The following ESR1 variants were observed in gnomAD, a reference collection of about 807,000 sequenced individuals.
ESR1 encodes estrogen receptor 1, also known as estrogen receptor.
A neutral mutation model predicts 52.7 loss-of-function variants in ESR1; 12 were observed. The observed-to-expected ratio is 0.23, with a 90% CI of 0.15 to 0.37. ESR1 has a LOEUF of 0.37. ESR1 is among the 10% of genes least tolerant of loss of function. The probability of loss-of-function intolerance (pLI) is 1.00; values close to 1 mark genes in which losing one functional copy is unlikely to be tolerated. For missense variants in ESR1, 584 were observed against 779.7 expected (o/e 0.75, Z 2.99); for synonymous variants, 305 against 316.8 (o/e 0.96, Z 0.39).
chr6:151,726,588 G>A (rs1332609207), intron 2 of ESR1, among the ~76,000 whole-genome samples: 2 of 152,206 alleles, frequency 1.3e-5, no homozygotes, highest in South Asian at 4.1e-4. Flanking sequence ...CAACCGCCTC[G>A]GCCTCCCAAA....
intron 2 of ESR1, among the ~76,000 whole-genome samples, chr6:151,860,697 A>G (rs1310937467): frequency 1.3e-5 from 2 of 152,186 alleles, no homozygotes; most frequent in Non-Finnish European, 2.9e-5. Flanking sequence ...AGAAACATGC[A>G]CCTTACTTCT....
At chr6:151,713,523 A>C (rs1318738890) in intron 2 of ESR1, among the ~76,000 whole-genome samples, 6 of 152,040 alleles carry the variant, frequency 3.9e-5, no homozygotes, top group African/African-American at 1.2e-4. Flanking sequence ...AGAACTTGTT[A>C]TTGGTCTGTT....
intron 6 of ESR1, among the ~76,000 whole-genome samples, chr6:152,117,744 C>T (rs140879710): frequency 4.1e-4 from 62 of 152,314 alleles, no homozygotes; most frequent in African/African-American, 1.5e-3. Flanking sequence ...TGCACTTATT[C>T]ATCTGAGTGA....
At chr6:151,838,713 G>A (rs780437292) in intron 1 of ESR1, among the ~76,000 whole-genome samples, 5 of 151,990 alleles carry the variant, frequency 3.3e-5, no homozygotes, top group Non-Finnish European at 7.4e-5. Context: ...AATGATAATT[G>A]ACAATGTTAT....
intron 2 of ESR1, among the ~76,000 whole-genome samples, chr6:151,709,117 C>G (rs1443736905): frequency 6.6e-6 from 1 of 152,022 alleles, no homozygotes; most frequent in Non-Finnish European, 1.5e-5. Flanking sequence ...TCTTTCCAAC[C>G]CTCACCTCCC....
At chr6:152,082,698 G>T (rs1168543255) in intron 6 of ESR1, among the ~76,000 whole-genome samples, 2 of 152,326 alleles carry the variant, frequency 1.3e-5, no homozygotes, top group East Asian at 3.9e-4. Flanking sequence ...TGACACGATT[G>T]TATATTTAGA....
intron 3 of ESR1, among the ~76,000 whole-genome samples, chr6:151,899,951 G>A (rs953081800): frequency 1.3e-5 from 2 of 150,668 alleles, no homozygotes; most frequent in East Asian, 2.0e-4. Flanking sequence ...CATCCCAGAC[G>A]ATGGCGGCCA....
intron 3 of ESR1, among the ~76,000 whole-genome samples, chr6:151,911,500 A>G (rs1422853396): frequency 3.3e-5 from 5 of 152,020 alleles, no homozygotes; most frequent in African/African-American, 1.2e-4. Context: ...CCTATGGTTC[A>G]TTTCCCTGCA....
intron 3 of ESR1, among the ~76,000 whole-genome samples, chr6:151,922,162 A>C (rs1319143074): frequency 6.6e-6 from 1 of 152,174 alleles, no homozygotes. Context: ...AAGACCACAC[A>C]TCTACAACGA....
chr6:152,125,530 A>G lies in ESR1; in HGVS notation c.*182A>G, dbSNP rs954865434. ...CTTAAAGTGTCTTAAGAAGGATAGGATAGCTACCCACAAACTTTGGATCAA... is the reference window on the plus strand; with the variant it reads ...CTTAAAGTGTCTTAAGAAGGATAGGGTAGCTACCCACAAACTTTGGATCAA... On this transcript the variant is annotated 3_prime_UTR_variant, in exon 7 of 7. Coordinates refer to the ESR1 transcript ENST00000427531. 22 of 781,544 alleles carry G rather than the reference A, an allele frequency of 2.8e-5. No homozygotes were observed. The African/African-American group carries it at 3.4e-4, about 12-fold the overall frequency. 48.4% of individuals were successfully genotyped at this position (781,544 alleles called of 1,614,324 possible).
chr6:152,058,061 C>T (rs757313277), intron 5 of ESR1, among the ~76,000 whole-genome samples: 6 of 152,118 alleles, frequency 3.9e-5, no homozygotes, highest in Admixed American at 6.5e-5. Flanking sequence ...CCTCCCCTGC[C>T]GGTGTGCAGT....
Position 152,011,013 on chromosome 6 carries a change from G to A in ESR1, c.1097-643G>A, listed in dbSNP as rs183446367. On this transcript the variant is annotated intron_variant, in intron 4 of 7. Coordinates refer to ENST00000206249, the MANE Select transcript of ESR1 (RefSeq NM_000125.4). ...CACAATATTATCAGTAATGATTGGA[G>A]AAAGCTTTAATCTCCTAGTTCACCA... 2.3e-4 allele frequency among the ~76,000 whole-genome samples: 35 copies of A among 151,946 alleles called. No homozygotes were observed. In the East Asian group the frequency reaches 5.0e-3, roughly 22 times the overall value.
intron 5 of ESR1, among the ~76,000 whole-genome samples, chr6:152,059,316 T>A (rs985063445): frequency 6.6e-6 from 1 of 151,882 alleles, no homozygotes; most frequent in East Asian, 1.9e-4. Context: ...ATATGTAAAA[T>A]TTTTTTATTT....
chr6:152,089,736 A>T (rs987268127), intron 6 of ESR1, among the ~76,000 whole-genome samples: 1 of 151,942 alleles, frequency 6.6e-6, no homozygotes, highest in Non-Finnish European at 1.5e-5. Context: ...CTGACACCAC[A>T]CCTGACTAAT....
chr6:151,945,869 C>T (rs1311869455), intron 4 of ESR1, among the ~76,000 whole-genome samples: 1 of 152,160 alleles, frequency 6.6e-6, no homozygotes, highest in Non-Finnish European at 1.5e-5. Flanking sequence ...AATAAGGAGC[C>T]AGCAGTACCA....
At chr6:151,832,338 T>C (rs1782577337) in intron 1 of ESR1, among the ~76,000 whole-genome samples, 2 of 152,194 alleles carry the variant, frequency 1.3e-5, no homozygotes, top group African/African-American at 4.8e-5. Flanking sequence ...ACTCTATCAT[T>C]TTAGGTAGAG....
At chr6:151,732,494 G>A (rs373340228) in intron 2 of ESR1, among the ~76,000 whole-genome samples, 5 of 151,682 alleles carry the variant, frequency 3.3e-5, no homozygotes, top group Admixed American at 6.6e-5. Flanking sequence ...TTTACGTGTC[G>A]GTAAATAGGG....
At chr6:152,043,502 G>A (rs116853957) in intron 5 of ESR1, among the ~76,000 whole-genome samples, 2 of 152,136 alleles carry the variant, frequency 1.3e-5, no homozygotes, top group African/African-American at 4.8e-5. Flanking sequence ...TCTCTAAGGG[G>A]CCTGCCGGGA....
intron 3 of ESR1, among the ~76,000 whole-genome samples, chr6:151,885,219 T>G (rs1021794149): frequency 6.6e-6 from 1 of 152,166 alleles, no homozygotes; most frequent in Non-Finnish European, 1.5e-5. Context: ...CTTCCCTCAA[T>G]GTCCTCACAG....
Sources: gnomAD v4.1 joint callset for allele counts (sites outside exome capture counted in the v4.1 genomes callset) on GRCh38, gnomAD v4.1.1 for gene constraint, MANE v1.5 for transcripts, NCBI Gene and HGNC (gene_info 2026-07-23, HGNC 2026-07-21) for gene names.